Variants in MTMR14 observed in about 807,000 individuals in gnomAD.
MTMR14 encodes phosphatidylinositol-3,5-bisphosphate 3-phosphatase MTMR14.
MTMR14 carries 48 observed loss-of-function variants against 86.3 expected under a neutral mutation model. That is an observed-to-expected ratio of 0.56 (90% CI 0.44 to 0.71). The LOEUF is 0.71. Ranked by LOEUF, MTMR14 falls within the 30% of genes least tolerant of loss-of-function variation. The pLI is 0.00. For missense variants in MTMR14, 780 were observed against 834.6 expected (o/e 0.93, Z 0.81); for synonymous variants, 366 against 326.1 (o/e 1.12, Z -1.32).
At chr3:9,682,951 C>T (rs553425762) in intron 9 of MTMR14, among the ~76,000 whole-genome samples, 1 of 151,810 alleles carries the variant, frequency 6.6e-6, no homozygotes, top group Non-Finnish European at 1.5e-5. Context: ...CCCGCCCCCG[C>T]CCCCCGAGTA....
chr3:9,664,252 T>A (rs866268014), intron 3 of MTMR14, among the ~76,000 whole-genome samples: 3 of 150,024 alleles, frequency 2.0e-5, no homozygotes, highest in Non-Finnish European at 4.4e-5. Flanking sequence ...GCATACTAGA[T>A]TCTTCAAATA....
At chr3:9,654,426 A>C (rs1449092384) in intron 2 of MTMR14, among the ~76,000 whole-genome samples, 2 of 152,220 alleles carry the variant, frequency 1.3e-5, no homozygotes, top group Non-Finnish European at 2.9e-5. Flanking sequence ...CCAAGACCTG[A>C]GTACCTTATG....
intron 1 of MTMR14, 41 bp from the exon 2 acceptor site, chr3:9,653,580 C>A: frequency 6.2e-7 from 1 of 1,613,482 alleles, no homozygotes; most frequent in South Asian, 1.1e-5. Flanking sequence ...CCCTCAGAAC[C>A]CCAGAATTCT....
At chr3:9,700,072 C>G (rs981118010) in intron 18 of MTMR14, 3 of 152,252 alleles carry the variant, frequency 2.0e-5, no homozygotes, top group African/African-American at 7.2e-5. Context: ...TCACATTTCA[C>G]TCCCACCGAT....
At position 9,663,797 on chromosome 3, in the gene MTMR14, G is replaced by A. The variant is rs954633174; in HGVS notation, c.417+1422G>A. 2.7e-5 allele frequency among the ~76,000 whole-genome samples: 4 copies of A among 150,756 alleles called. No individual in the cohort carries two copies. In the South Asian group the frequency reaches 8.4e-4, roughly 32 times the overall value. ...CAAAGTGTTGGGATTACAGGCGTGA[G>A]CCACCGCGCACGGCCTGGAGTCTCT... On this transcript the variant is annotated intron_variant, in intron 3 of 18. Transcript: ENST00000296003.
chr3:9,683,399 G>A, intron 10 of MTMR14, 155 bp downstream of exon 10: 1 of 716,858 alleles, frequency 1.4e-6, no homozygotes, highest in Non-Finnish European at 2.5e-6. Flanking sequence ...GAGGCTGGGT[G>A]GGATTTGTCC....
intron 2 of MTMR14, among the ~76,000 whole-genome samples, chr3:9,656,223 T>C (rs2047597552): frequency 6.6e-6 from 1 of 151,970 alleles, no homozygotes; most frequent in African/African-American, 2.4e-5. Flanking sequence ...AGTGCCCATT[T>C]CACAAGGTTG....
At chr3:9,667,458 T>C (rs953003345) in intron 3 of MTMR14, among the ~76,000 whole-genome samples, 1 of 151,938 alleles carries the variant, frequency 6.6e-6, no homozygotes, top group Non-Finnish European at 1.5e-5. Context: ...TTTCAGGAGA[T>C]AGTTCATACT....
rs2076476202 is a variant in MTMR14, at chr3:9,702,012, C to T, written c.*39C>T. 6.2e-7 allele frequency: 1 copy of T among 1,612,130 alleles called. No homozygotes were observed. The highest frequency in any genetic ancestry group is 1.1e-5 in the South Asian group (1 of 91,026). On this transcript the variant is annotated 3_prime_UTR_variant, in exon 19 of 19. Transcript: ENST00000296003. Reference sequence around the variant, plus strand: ...TGACATTTTCCTGCTCCTCTCTCAGCTGAGCCCTTAGCAGAGAATCAAAGC... The same window carrying T: ...TGACATTTTCCTGCTCCTCTCTCAGTTGAGCCCTTAGCAGAGAATCAAAGC...
Position 9,688,717 on chromosome 3 carries a change from G to A in MTMR14, c.1257G>A (p.Arg419=). 1 of 1,614,192 alleles carries A rather than the reference G, an allele frequency of 6.2e-7. No individual in the cohort carries two copies. The part of the protein sequence containing the change: ...KTQRRKSLPA[R]DGGFTLEDIC... Reference sequence around the variant, plus strand: ...CTAGGAGGAAGAGTTTGCCAGCCCGGGATGGAGGCTTCACCCTGGAAGACA... The same window carrying A: ...CTAGGAGGAAGAGTTTGCCAGCCCGAGATGGAGGCTTCACCCTGGAAGACA... Residue 419 remains arginine (R), a synonymous_variant, in exon 15 of 19, where the codon CGG becomes CGA. Transcript: ENST00000296003.
intron 9 of MTMR14, among the ~76,000 whole-genome samples, chr3:9,680,128 C>T (rs2075712255): frequency 2.0e-5 from 3 of 152,320 alleles, no homozygotes; most frequent in South Asian, 4.1e-4. Flanking sequence ...TCAGGCGGCC[C>T]CTCAGACTCA....
intron 6 of MTMR14, among the ~76,000 whole-genome samples, chr3:9,672,108 G>A (rs966169531): frequency 6.6e-5 from 10 of 152,358 alleles, no homozygotes; most frequent in Non-Finnish European, 1.3e-4. Flanking sequence ...CTGGGTCAGA[G>A]TGGCTACACT....
chr3:9,681,672 C>CTTGTTTGTTTGT (rs575254786), intron 9 of MTMR14, among the ~76,000 whole-genome samples: 3 of 152,122 alleles, frequency 2.0e-5, no homozygotes, highest in African/African-American at 7.2e-5. Flanking sequence ...AGGCACGAGC[C>CTTGTTTGTTTGT]TTGTTTGTTT....
At chr3:9,684,187 A>T (rs372318954) in intron 10 of MTMR14, among the ~76,000 whole-genome samples, 257 of 152,236 alleles carry the variant, frequency 1.7e-3, no homozygotes, top group African/African-American at 5.6e-3. Flanking sequence ...TTGGCCAGGG[A>T]TAGTCAGTGT....
At chr3:9,649,851 A>G in intron 1 of MTMR14, 109 bp downstream of exon 1, 1 of 1,554,178 alleles carries the variant, frequency 6.4e-7, no homozygotes, top group Admixed American at 2.0e-5. Context: ...CTCGCCGCTG[A>G]GGAAGAGGAG....
At chr3:9,653,099 G>A (rs942068096) in intron 1 of MTMR14, among the ~76,000 whole-genome samples, 13 of 152,308 alleles carry the variant, frequency 8.5e-5, no homozygotes, top group Admixed American at 3.3e-4. Flanking sequence ...TTAGTCAGGC[G>A]TGGTTCTACG....
chr3:9,688,812 C>A (rs962191726), intron 15 of MTMR14, 58 bp downstream of exon 15: 9 of 1,609,376 alleles, frequency 5.6e-6, no homozygotes, highest in African/African-American at 2.7e-5. Flanking sequence ...GTGTACAGAT[C>A]AGGCAGGAAC....
At chr3:9,654,116 C>T (rs931113324) in intron 2 of MTMR14, among the ~76,000 whole-genome samples, 15 of 152,100 alleles carry the variant, frequency 9.9e-5, no homozygotes, top group African/African-American at 2.2e-4. Flanking sequence ...CAGCGTTTAC[C>T]GTATGTAGCA....
intron 10 of MTMR14, 128 bp from the exon 11 acceptor site, chr3:9,684,457 A>T: frequency 3.5e-6 from 3 of 846,666 alleles, no homozygotes; most frequent in Non-Finnish European, 6.2e-6. Flanking sequence ...AGCCATGGGG[A>T]GGCCACTGGG....
Sources: allele counts gnomAD v4.1 joint callset (sites outside exome capture counted in the v4.1 genomes callset), GRCh38; gene constraint gnomAD v4.1.1; transcripts MANE v1.5; gene names NCBI Gene and HGNC (gene_info 2026-07-23, HGNC 2026-07-21).